ATP6V0A2: variants seen among roughly 807,000 people sequenced by gnomAD.
ATP6V0A2 encodes the protein ATPase H+ transporting V0 subunit a2.
In ATP6V0A2, 58 loss-of-function variants were observed where a neutral mutation model predicts 104.4. The observed-to-expected ratio is 0.56, with a 90% CI of 0.45 to 0.69. The LOEUF (loss-of-function observed/expected upper bound fraction) is 0.69. Among genes scored for constraint, ATP6V0A2 ranks in the 30% least tolerant of loss-of-function variants. The pLI, the probability that ATP6V0A2 is intolerant of heterozygous loss-of-function variation, is 0.00. For synonymous variants in ATP6V0A2, 376 were observed against 397.9 expected, an observed-to-expected ratio of 0.95 and a Z score of 0.65; for missense variants, 938 against 1,062.9, an observed-to-expected ratio of 0.88 and a Z score of 1.63.
chr12:123,755,942 G>A (rs1172946327), intron 18 of ATP6V0A2, among the ~76,000 whole-genome samples: 1 of 151,662 alleles, frequency 6.6e-6, no homozygotes, highest in Non-Finnish European at 1.5e-5. Flanking sequence ...TTAGCCGGGC[G>A]TGGTGGCGGG....
intron 1 of ATP6V0A2, among the ~76,000 whole-genome samples, chr12:123,715,177 A>T (rs1218051249): frequency 6.6e-6 from 1 of 152,250 alleles, no homozygotes; most frequent in African/African-American, 2.4e-5. Context: ...TTTATAAATA[A>T]AGATTCTACT....
At chr12:123,713,463 T>A (rs1956311523) in intron 1 of ATP6V0A2, among the ~76,000 whole-genome samples, 1 of 152,186 alleles carries the variant, frequency 6.6e-6, no homozygotes, top group Non-Finnish European at 1.5e-5. Context: ...TGTCAACCTC[T>A]GAGAGTAAGT....
At chr12:123,716,932 C>T (rs1320981875) in intron 1 of ATP6V0A2, among the ~76,000 whole-genome samples, 3 of 152,108 alleles carry the variant, frequency 2.0e-5, no homozygotes, top group Admixed American at 6.6e-5. Context: ...CACTAATCTG[C>T]TTGCTGCCTC....
chr12:123,736,924 T>C lies in ATP6V0A2; in HGVS notation c.826-135T>C. ...AGAAGGAAGGAATGGCTCCCTTAGC[T>C]GCCACCAGGATAGGCAGGTGCCTGG... On this transcript the variant is annotated intron_variant, in intron 8 of 19. Transcript: ENST00000330342. 3 of 880,162 alleles carry C rather than the reference T, an allele frequency of 3.4e-6. No homozygotes were observed. The South Asian group carries it at 4.2e-5, about 12-fold the overall frequency. 54.5% of individuals were successfully genotyped at this position (880,162 alleles called of 1,614,324 possible). A position where few individuals can be genotyped will look rare whatever the true frequency, so the allele number is the denominator to read the frequency against.
At chr12:123,739,059 G>T (rs1442971389) in intron 9 of ATP6V0A2, 3 of 152,294 alleles carry the variant, frequency 2.0e-5, no homozygotes, top group African/African-American at 7.2e-5. Context: ...GTTATAGGTG[G>T]TGTGTGTGCT....
intron 17 of ATP6V0A2, among the ~76,000 whole-genome samples, chr12:123,753,059 G>A (rs1436050160): frequency 6.6e-6 from 1 of 150,704 alleles, no homozygotes; most frequent in African/African-American, 2.4e-5. Context: ...TCCCCTTTAC[G>A]AGTGACCGCT....
In ATP6V0A2 at chr12:123,756,847, C is replaced by T. The variant is rs748718383; in HGVS notation, c.2326C>T (p.Arg776Cys). 13 of 1,614,106 alleles carry T rather than the reference C, an allele frequency of 8.1e-6. No homozygotes were observed. The highest frequency in any genetic ancestry group is 2.2e-5 in the East Asian group (1 of 44,884). Residue 776 changes from arginine to cysteine, a missense_variant, in exon 19 of 20, where the codon CGC (arginine) becomes TGC (cysteine). Transcript: ENST00000330342. ...TGATGTCCTGTGGGCCATGCTGATG[C>T]GCGTGGGCCTCCGCGTTGACACCAC... is the stretch of plus-strand genomic sequence containing the variant. ...LSDVLWAMLM[R>C]VGLRVDTTYG...
intron 1 of ATP6V0A2, among the ~76,000 whole-genome samples, chr12:123,713,284 A>G (rs1956309748): frequency 6.6e-6 from 1 of 151,906 alleles, no homozygotes; most frequent in Admixed American, 6.6e-5. Context: ...CTGCTTGAGG[A>G]GAGGGATTTT....
At chr12:123,756,738 A>C in intron 18 of ATP6V0A2, 77 bp from the exon 19 acceptor site, 1 of 1,517,922 alleles carries the variant, frequency 6.6e-7, no homozygotes, top group South Asian at 1.1e-5. Flanking sequence ...TCAGGGGGAA[A>C]CTCAGTCCAG....
At chr12:123,721,802 C>G (rs1482923428) in intron 2 of ATP6V0A2, among the ~76,000 whole-genome samples, 1 of 152,222 alleles carries the variant, frequency 6.6e-6, no homozygotes, top group East Asian at 1.9e-4. Context: ...GAGCCTGGCT[C>G]TTGGTGCTGG....
At chr12:123,736,497 T>C (rs1456240913) in intron 8 of ATP6V0A2, among the ~76,000 whole-genome samples, 1 of 152,168 alleles carries the variant, frequency 6.6e-6, no homozygotes, top group Non-Finnish European at 1.5e-5. Flanking sequence ...CGGTCTGGAT[T>C]GTAATTCTTG....
intron 8 of ATP6V0A2, among the ~76,000 whole-genome samples, chr12:123,736,185 C>G (rs1462005967): frequency 1.2e-5 from 1 of 81,916 alleles, no homozygotes; most frequent in African/African-American, 4.6e-5. Flanking sequence ...GATTGTGATT[C>G]TTTTTTTTTT....
intron 18 of ATP6V0A2, 192 bp downstream of exon 18, chr12:123,754,729 A>G (rs2135921144): frequency 3.3e-6 from 2 of 598,390 alleles, no homozygotes; most frequent in Admixed American, 2.7e-5. Context: ...GTGCTGTGGA[A>G]AAATCACAGA....
intron 2 of ATP6V0A2, among the ~76,000 whole-genome samples, chr12:123,719,726 T>C (rs143239095): frequency 2.4e-3 from 366 of 152,080 alleles, no homozygotes; most frequent in African/African-American, 8.2e-3. Flanking sequence ...TCTAAGCCCT[T>C]ATCTAGGTGC....
In ATP6V0A2 at chr12:123,751,296, T is replaced by C. The variant is rs1389894067; in HGVS notation, c.2055+67T>C. 7.5e-6 allele frequency: 12 copies of C among 1,610,504 alleles called. No individual in the cohort carries two copies. The African/African-American group carries it at 1.6e-4, about 22-fold the overall frequency. On this transcript the variant is annotated intron_variant, in intron 16 of 19. Coordinates refer to ENST00000330342, the MANE Select transcript of ATP6V0A2 (RefSeq NM_012463.4). ...TTGCTTTCGGTTATACAAGGATTGG[T>C]GTAGAAAACACCTCCTGGAGGGTCC...
intron 1 of ATP6V0A2, among the ~76,000 whole-genome samples, chr12:123,714,103 A>G (rs1292998643): frequency 6.6e-6 from 1 of 152,224 alleles, no homozygotes; most frequent in African/African-American, 2.4e-5. Flanking sequence ...CATTTGTAAC[A>G]GGTAGATGTT....
rs1460369574 is a variant in ATP6V0A2, at chr12:123,758,253, C to T, written c.*221C>T. The T allele has an allele frequency of 2.3e-6, 1 of 437,490 alleles. No individual in the cohort carries two copies. The highest frequency in any genetic ancestry group is 4.0e-6 in the Non-Finnish European group (1 of 247,864). 27.1% of individuals were successfully genotyped at this position (437,490 alleles called of 1,614,324 possible). On this transcript the variant is annotated 3_prime_UTR_variant, in exon 20 of 20. Coordinates refer to ENST00000330342, the MANE Select transcript of ATP6V0A2 (RefSeq NM_012463.4). Reference sequence around the variant, plus strand: ...ATTTCTTTTGGTTTTTTATGATGAGCAAATATAAGTTAATGCCAAACGTTA... The same window carrying T: ...ATTTCTTTTGGTTTTTTATGATGAGTAAATATAAGTTAATGCCAAACGTTA...
intron 9 of ATP6V0A2, among the ~76,000 whole-genome samples, chr12:123,742,423 C>CT (rs1956618363): frequency 1.3e-5 from 2 of 152,068 alleles, no homozygotes; most frequent in Non-Finnish European, 2.9e-5. Context: ...AAATGCCATC[C>CT]GTAGGCTTTA....
rs1196323031 is a variant in ATP6V0A2 at position 123,759,800 on chromosome 12, A to G, written c.*1768A>G. The G allele has an allele frequency of 6.6e-6, 1 of 152,212 alleles. No homozygotes were observed. Among genetic ancestry groups the G allele is most frequent in the African/African-American group, 2.4e-5 (1 of 41,444 alleles). The allele number at this position is 152,212 out of a possible 1,614,324, so 9.4% of individuals were successfully genotyped here. ...TTAAACCCTTTCAATTACAGTACAG[A>G]TTCTGTGTGCTACTTGATGAGATGT... On this transcript the variant is annotated 3_prime_UTR_variant, in exon 20 of 20. Coordinates refer to ENST00000330342, the MANE Select transcript of ATP6V0A2 (RefSeq NM_012463.4).
Sources: allele counts gnomAD v4.1 joint callset (sites outside exome capture counted in the v4.1 genomes callset), GRCh38; gene constraint gnomAD v4.1.1; transcripts MANE v1.5; gene names NCBI Gene and HGNC (gene_info 2026-07-23, HGNC 2026-07-21).